The following CFAP58 variants were observed in gnomAD, a reference collection of about 807,000 sequenced individuals.
The protein encoded by CFAP58 is cilia- and flagella-associated protein 58.
A neutral mutation model predicts 119.5 loss-of-function variants in CFAP58; 88 were observed. That is an observed-to-expected ratio of 0.74 (90% CI 0.62 to 0.88). CFAP58 has a LOEUF of 0.88. Ranked by LOEUF, CFAP58 falls within the 40% of genes least tolerant of loss-of-function variation. The pLI is 0.00. For missense variants in CFAP58, 990 were observed against 1,021.2 expected, an observed-to-expected ratio of 0.97 and a Z score of 0.42; for synonymous variants, 365 against 366.3, an observed-to-expected ratio of 1.00 and a Z score of 0.04.
intron 14 of CFAP58, 53 bp downstream of exon 14, chr10:104,403,893 C>A (rs138243384): frequency 4.4e-6 from 5 of 1,132,742 alleles, no homozygotes; most frequent in Non-Finnish European, 6.5e-6. Flanking sequence ...TCCTATCCCA[C>A]GCGAAGCTTC....
chr10:104,414,725 A>G (rs1442474579), intron 15 of CFAP58, among the ~76,000 whole-genome samples: 1 of 152,116 alleles, frequency 6.6e-6, no homozygotes, highest in Admixed American at 6.5e-5. Context: ...GCTGGAGTGC[A>G]GTGGCGCAAT....
At chr10:104,375,717 A>C (rs938585647) in intron 7 of CFAP58, among the ~76,000 whole-genome samples, 3 of 151,546 alleles carry the variant, frequency 2.0e-5, no homozygotes, top group African/African-American at 7.3e-5. Context: ...TGAGACATCA[A>C]TCGAATACGT....
At chr10:104,382,286 G>A (rs531059964) in intron 9 of CFAP58, 1 of 693,480 alleles carries the variant, frequency 1.4e-6, no homozygotes, top group African/African-American at 1.8e-5. Flanking sequence ...CGGACATCCT[G>A]GGCAGGAGTG....
At chr10:104,352,689 G>A (rs905894209), upstream of CFAP58, among the ~76,000 whole-genome samples, 2 of 152,236 alleles carry the variant, frequency 1.3e-5, no homozygotes, top group African/African-American at 4.8e-5. Context: ...CACGGACAAA[G>A]ACGATCATGG....
chr10:104,431,174 CT>C (rs1322530910), intron 15 of CFAP58, among the ~76,000 whole-genome samples: 5 of 152,320 alleles, frequency 3.3e-5, no homozygotes, highest in Admixed American at 6.5e-5. Flanking sequence ...ATTCGTTCTT[CT>C]TTTCATTCAC....
intron 1 of CFAP58, 29 bp from the exon 2 acceptor site, chr10:104,358,312 C>A (rs766542749): frequency 1.9e-6 from 3 of 1,593,648 alleles, no homozygotes; most frequent in Non-Finnish European, 2.6e-6. Context: ...GTTGCATTGC[C>A]CTTTCCCATC....
At chr10:104,449,964 A>G in intron 16 of CFAP58, 107 bp from the exon 17 acceptor site, 1 of 1,102,822 alleles carries the variant, frequency 9.1e-7, no homozygotes, top group Non-Finnish European at 1.3e-6. Context: ...AAACTTGGGC[A>G]TTGTTTTGCA....
chr10:104,401,642 G>A (rs1234125179), intron 13 of CFAP58, among the ~76,000 whole-genome samples: 1 of 152,128 alleles, frequency 6.6e-6, no homozygotes, highest in Non-Finnish European at 1.5e-5. Flanking sequence ...ATAAGGACAT[G>A]GTTTGGATCT....
chr10:104,450,669 T>TTTATTTA (rs1554927084), intron 17 of CFAP58, among the ~76,000 whole-genome samples: 1 of 143,292 alleles, frequency 7.0e-6, no homozygotes, highest in Non-Finnish European at 1.5e-5. Context: ...TTCACCTATG[T>TTTATTTA]TTTATTTATT....
intron 8 of CFAP58, among the ~76,000 whole-genome samples, chr10:104,379,143 C>T (rs2011729957): frequency 6.6e-6 from 1 of 151,800 alleles, no homozygotes; most frequent in South Asian, 2.1e-4. Context: ...CAGAAGAAAC[C>T]CTGTACCTAT....
At chr10:104,433,180 A>G (rs1272727054) in intron 15 of CFAP58, among the ~76,000 whole-genome samples, 1 of 152,000 alleles carries the variant, frequency 6.6e-6, no homozygotes, top group Non-Finnish European at 1.5e-5. Context: ...TGCAGCTCCA[A>G]ACTTCTGGGA....
At chr10:104,360,758 T>C (rs2014656307) in intron 2 of CFAP58, among the ~76,000 whole-genome samples, 2 of 152,186 alleles carry the variant, frequency 1.3e-5, no homozygotes, top group African/African-American at 4.8e-5. Context: ...CCTGTGTTAG[T>C]TTGCTAAGGA....
At chr10:104,405,888 A>G (rs1478412147) in intron 14 of CFAP58, among the ~76,000 whole-genome samples, 2 of 152,212 alleles carry the variant, frequency 1.3e-5, no homozygotes, top group African/African-American at 4.8e-5. Context: ...AGGTGGGAGG[A>G]TTGCCTGAGC....
Position 104,453,761 on chromosome 10 carries a change from AGTGTGTGT to A in CFAP58, c.2511-632_2511-625del, listed in dbSNP as rs56666132. On this transcript the variant is annotated intron_variant, in intron 17 of 17. Transcript: ENST00000369704. ...TACTTCTGCAGGAAACATGAATATG[AGTGTGTGT>A]GTGTGTGTGTGTGTGTGTGTGTGTG... 1.2e-4 allele frequency among the ~76,000 whole-genome samples: 17 copies of A among 138,926 alleles called. 1 individual carries two copies. Among genetic ancestry groups the A allele is most frequent in the Middle Eastern group, 3.6e-3 (1 of 280 alleles). 91.1% of individuals were successfully genotyped at this position (138,926 alleles called of 152,430 possible).
At chr10:104,376,688 G>A in intron 7 of CFAP58, 123 bp from the exon 8 acceptor site, 1 of 662,046 alleles carries the variant, frequency 1.5e-6, no homozygotes, top group Admixed American at 2.6e-5. Flanking sequence ...ACATACACTT[G>A]GTTAATAGTA....
chr10:104,378,648 C>T (rs1174800507), intron 8 of CFAP58, among the ~76,000 whole-genome samples: 2 of 152,168 alleles, frequency 1.3e-5, no homozygotes, highest in Non-Finnish European at 1.5e-5. Flanking sequence ...CTGTCTCTCT[C>T]GTTTTCCAGT....
At chr10:104,439,668 G>A (rs960275418) in intron 15 of CFAP58, among the ~76,000 whole-genome samples, 2 of 151,774 alleles carry the variant, frequency 1.3e-5, no homozygotes, top group Non-Finnish European at 2.9e-5. Context: ...TTGTGCGACT[G>A]CAATCCAGCC....
chr10:104,451,026 T>C (rs1054715718), intron 17 of CFAP58, among the ~76,000 whole-genome samples: 2 of 152,200 alleles, frequency 1.3e-5, no homozygotes, highest in African/African-American at 4.8e-5. Flanking sequence ...CTTCACATTG[T>C]TAGTATTATT....
chr10:104,402,076 T>A (rs897745347), intron 13 of CFAP58, among the ~76,000 whole-genome samples: 1 of 148,064 alleles, frequency 6.8e-6, no homozygotes, highest in Admixed American at 6.8e-5. Context: ...TTCTTTTCAA[T>A]GGGAAGACAA....
Sources: allele counts gnomAD v4.1 joint callset (sites outside exome capture counted in the v4.1 genomes callset), GRCh38; gene constraint gnomAD v4.1.1; transcripts MANE v1.5; gene names NCBI Gene and HGNC (gene_info 2026-07-23, HGNC 2026-07-21).